The following KHDRBS2 variants were observed in gnomAD, a reference collection of about 807,000 sequenced individuals.
KHDRBS2 encodes the protein KH domain-containing, RNA-binding, signal transduction-associated protein 2.
Under a neutral mutation model 44.3 loss-of-function variants are expected in KHDRBS2, and 26 were observed. The ratio of observed to expected loss-of-function variants is 0.59; its 90% CI spans 0.43 to 0.81. The LOEUF (loss-of-function observed/expected upper bound fraction) is 0.81, where lower values mean the gene tolerates loss of function less well. KHDRBS2 is among the 40% of genes least tolerant of loss of function. KHDRBS2 has a pLI of 0.00. For synonymous variants in KHDRBS2, 194 were observed against 151.1 expected (o/e 1.28, Z -2.08); for missense variants, 476 against 433.1 (o/e 1.10, Z -0.88).
intron 6 of KHDRBS2, among the ~76,000 whole-genome samples, chr6:61,784,884 C>T (rs1340565024): frequency 2.6e-5 from 4 of 152,086 alleles, no homozygotes; most frequent in Non-Finnish European, 5.9e-5. Flanking sequence ...CACAATGGCT[C>T]ACTCCTGTAA....
chr6:61,996,791 CT>C (rs1282491070), intron 3 of KHDRBS2, among the ~76,000 whole-genome samples: 3 of 148,954 alleles, frequency 2.0e-5, no homozygotes, highest in African/African-American at 5.0e-5. Flanking sequence ...TCCTCCCCCC[CT>C]CACCCCCCCG....
chr6:61,962,717 C>T lies in KHDRBS2; in HGVS notation c.483+15349G>A, dbSNP rs182082172. Among the ~76,000 whole-genome samples the T allele has an allele frequency of 3.6e-4, 55 of 152,106 alleles. 1 individual carries two copies. Among genetic ancestry groups the T allele is most frequent in the African/African-American group, 1.2e-3 (51 of 41,526 alleles). The stretch of plus-strand genomic sequence containing the variant: ...CATTTTCATTATCAATTTTCATCTT[C>T]GCTTTCTGACAAAAATTATATAGTC... On this transcript the variant is annotated intron_variant, in intron 4 of 8. Transcript: ENST00000281156.
chr6:61,954,841 T>TGTATATAAAC, intron 4 of KHDRBS2, among the ~76,000 whole-genome samples: 1 of 78,762 alleles, frequency 1.3e-5, no homozygotes, highest in East Asian at 4.3e-4. Context: ...CATATGTATG[T>TGTATATAAAC]ATACATATGC....
chr6:62,271,913 T>C (rs1840155837), intron 1 of KHDRBS2, among the ~76,000 whole-genome samples: 1 of 152,134 alleles, frequency 6.6e-6, no homozygotes, highest in Non-Finnish European at 1.5e-5. Context: ...ATAAATGTAG[T>C]GCAGTCTAAC....
At chr6:62,157,527 C>T (rs1185992483) in intron 2 of KHDRBS2, among the ~76,000 whole-genome samples, 1 of 152,130 alleles carries the variant, frequency 6.6e-6, no homozygotes, top group Non-Finnish European at 1.5e-5. Flanking sequence ...TCAATTTTAT[C>T]TCTGAGATGT....
intron 1 of KHDRBS2, among the ~76,000 whole-genome samples, chr6:62,242,490 C>A (rs769098707): frequency 5.3e-5 from 8 of 152,080 alleles, no homozygotes; most frequent in Non-Finnish European, 1.0e-4. Flanking sequence ...CCTGTTGTGA[C>A]AAGCAAAATA....
the KHDRBS2 span, among the ~76,000 whole-genome samples, chr6:61,608,207 T>C: frequency 6.6e-6 from 1 of 152,108 alleles, no homozygotes; most frequent in African/African-American, 2.4e-5. Context: ...ATTATAGCTA[T>C]ATCAGTCTAA....
chr6:61,953,823 CAGAA>C (rs981806297), intron 4 of KHDRBS2, among the ~76,000 whole-genome samples: 2 of 152,092 alleles, frequency 1.3e-5, no homozygotes, highest in African/African-American at 4.8e-5. Context: ...AAGGCTGACT[CAGAA>C]AGAGTGAGGG....
intron 6 of KHDRBS2, among the ~76,000 whole-genome samples, chr6:61,835,756 TGAGA>T (rs376717084): frequency 4.8e-4 from 69 of 144,034 alleles, no homozygotes; most frequent in Middle Eastern, 3.6e-3. Context: ...AGAGAAAGAT[TGAGA>T]GAGAGAGAGA....
chr6:61,692,348 T>C (rs572004649), intron 8 of KHDRBS2, among the ~76,000 whole-genome samples: 275 of 152,118 alleles, frequency 1.8e-3, no homozygotes, highest in African/African-American at 6.4e-3. Context: ...AATTGAAAAT[T>C]AATTAAATAT....
chr6:61,602,664 C>A, the KHDRBS2 span, among the ~76,000 whole-genome samples: 1 of 152,108 alleles, frequency 6.6e-6, no homozygotes, highest in Non-Finnish European at 1.5e-5. Context: ...AAGTCCGTAC[C>A]CTTCTTAATC....
intron 4 of KHDRBS2, among the ~76,000 whole-genome samples, chr6:61,940,242 CAAAA>C (rs3076276): frequency 6.6e-4 from 96 of 146,320 alleles, no homozygotes; most frequent in African/African-American, 2.3e-3. Context: ...AATAAAAGTT[CAAAA>C]AAAAAAAAGA....
intron 4 of KHDRBS2, among the ~76,000 whole-genome samples, chr6:61,960,813 G>A (rs1302839094): frequency 2.0e-5 from 3 of 152,030 alleles, no homozygotes; most frequent in African/African-American, 4.8e-5. Flanking sequence ...ATCTTCATGA[G>A]GTAAAGAGTA....
chr6:62,247,422 CACAA>C (rs1408641238), intron 1 of KHDRBS2, among the ~76,000 whole-genome samples: 2 of 151,844 alleles, frequency 1.3e-5, no homozygotes, highest in Non-Finnish European at 2.9e-5. Flanking sequence ...TATTATTTAA[CACAA>C]ACAAGAAATT....
the KHDRBS2 span, among the ~76,000 whole-genome samples, chr6:61,549,330 C>T: frequency 4.6e-5 from 7 of 152,220 alleles, no homozygotes; most frequent in South Asian, 1.5e-3. Flanking sequence ...AGGACTCCTT[C>T]ACAGTCTTAA....
intron 7 of KHDRBS2, among the ~76,000 whole-genome samples, chr6:61,703,333 G>A (rs768644990): frequency 2.0e-5 from 3 of 151,694 alleles, no homozygotes; most frequent in Non-Finnish European, 2.9e-5. Context: ...TTAAACACGA[G>A]CTTTTGATAT....
At chr6:61,600,995 T>C in the KHDRBS2 span, among the ~76,000 whole-genome samples, 2 of 152,176 alleles carry the variant, frequency 1.3e-5, no homozygotes, top group African/African-American at 2.4e-5. Flanking sequence ...TGGTGTTTAA[T>C]CACTGCAGGG....
chr6:62,065,812 C>A, intron 2 of KHDRBS2, among the ~76,000 whole-genome samples: 1 of 150,564 alleles, frequency 6.6e-6, no homozygotes, highest in Non-Finnish European at 1.5e-5. Flanking sequence ...CATGTTTTAC[C>A]AAAATAACAA....
chr6:62,071,738 C>T (rs1357067695), intron 2 of KHDRBS2, among the ~76,000 whole-genome samples: 10 of 152,268 alleles, frequency 6.6e-5, no homozygotes, highest in Non-Finnish European at 1.2e-4. Context: ...GTTTTGGTTA[C>T]TGTAGCCTTG....
Sources: allele counts gnomAD v4.1 joint callset (sites outside exome capture counted in the v4.1 genomes callset), GRCh38; gene constraint gnomAD v4.1.1; transcripts MANE v1.5; gene names NCBI Gene and HGNC (gene_info 2026-07-23, HGNC 2026-07-21).